TBC1D8: variants seen among roughly 807,000 people sequenced by gnomAD.
TBC1D8 encodes TBC1 domain family member 8.
In TBC1D8, 65 loss-of-function variants were observed where a neutral mutation model predicts 118.8. The observed-to-expected ratio is 0.55, with a 90% CI of 0.45 to 0.67. The LOEUF (loss-of-function observed/expected upper bound fraction) is 0.67, where lower values mean the gene tolerates loss of function less well. TBC1D8 is among the 30% of genes least tolerant of loss of function. The probability of loss-of-function intolerance (pLI) is 0.00; values close to 1 mark genes in which losing one functional copy is unlikely to be tolerated. For missense variants in TBC1D8, 1,376 were observed against 1,471.2 expected, an observed-to-expected ratio of 0.94 and a Z score of 1.06; for synonymous variants, 566 against 595.8, an observed-to-expected ratio of 0.95 and a Z score of 0.73.
intron 1 of TBC1D8, among the ~76,000 whole-genome samples, chr2:101,126,276 A>G (rs575472732): frequency 4.6e-5 from 7 of 152,170 alleles, no homozygotes; most frequent in Non-Finnish European, 8.8e-5. Flanking sequence ...ATCCACTCCC[A>G]CAACCCAAAC....
chr2:101,052,586 C>A (rs182293487), intron 4 of TBC1D8, among the ~76,000 whole-genome samples: 1 of 151,402 alleles, frequency 6.6e-6, no homozygotes, highest in Non-Finnish European at 1.5e-5. Flanking sequence ...AAGCGATTCT[C>A]GTGCTTCAGC....
intron 2 of TBC1D8, among the ~76,000 whole-genome samples, chr2:101,072,357 CAGGAGAGAGAGAGA>C (rs920844741): frequency 1.3e-4 from 20 of 151,526 alleles, no homozygotes; most frequent in Admixed American, 2.0e-4. Flanking sequence ...AGGAGAGGGG[CAGGAGAGAGAGAGA>C]AGGAGAGAGA....
At chr2:101,011,095 G>A in intron 18 of TBC1D8, 69 bp from the exon 19 acceptor site, 1 of 1,464,682 alleles carries the variant, frequency 6.8e-7, no homozygotes, top group East Asian at 2.3e-5. Context: ...AGGAAACTAT[G>A]TAGGAGAGAG....
Position 101,032,269 on chromosome 2 carries a change from G to A in TBC1D8, c.1935C>T (p.Ile645=), listed in dbSNP as rs774906135. 31 of 1,613,398 alleles carry A rather than the reference G, an allele frequency of 1.9e-5. No homozygotes were observed. Among genetic ancestry groups the A allele is most frequent in the East Asian group, 4.5e-5 (2 of 44,878 alleles). Residue 645 remains isoleucine (I), a splice_region_variant and synonymous_variant, in exon 11 of 20, where the codon ATC becomes ATT. Coordinates refer to ENST00000409318, the MANE Select transcript of TBC1D8 (RefSeq NM_001330348.2). ...GGAGGAGGAAGGGGGTCTGTTTACC[G>A]ATCACTCGGTGGTTGAAGTAATCGG... ...MLPDYFNHRV[I]GAQVDQSVFE...
chr2:101,033,983 G>C (rs778620162), intron 9 of TBC1D8, among the ~76,000 whole-genome samples: 36 of 152,140 alleles, frequency 2.4e-4, no homozygotes, highest in Non-Finnish European at 4.4e-4. Context: ...GGCCAAAATG[G>C]TGAAACCCTG....
At chr2:101,020,810 A>T (rs1301177654) in intron 17 of TBC1D8, among the ~76,000 whole-genome samples, 1 of 152,152 alleles carries the variant, frequency 6.6e-6, no homozygotes, top group South Asian at 2.1e-4. Context: ...CCCAGGCCAG[A>T]CGTGAATCCT....
intron 12 of TBC1D8, 28 bp downstream of exon 12, chr2:101,029,463 T>G (rs775422545): frequency 6.3e-7 from 1 of 1,597,662 alleles, no homozygotes; most frequent in Non-Finnish European, 8.6e-7. Context: ...CCATCTCTGG[T>G]TGGCCACAGA....
intron 1 of TBC1D8, among the ~76,000 whole-genome samples, chr2:101,125,251 A>G (rs1678301928): frequency 6.6e-6 from 1 of 152,158 alleles, no homozygotes; most frequent in Admixed American, 6.5e-5. Flanking sequence ...ACATTCCTGA[A>G]CCTGCTATTC....
At chr2:101,098,769 G>C (rs1676637963) in intron 1 of TBC1D8, among the ~76,000 whole-genome samples, 1 of 151,970 alleles carries the variant, frequency 6.6e-6, no homozygotes, top group Non-Finnish European at 1.5e-5. Flanking sequence ...AAGACTCCTG[G>C]GTAAATTATG....
intron 1 of TBC1D8, among the ~76,000 whole-genome samples, chr2:101,111,660 G>A (rs1480570592): frequency 1.3e-5 from 2 of 152,210 alleles, no homozygotes; most frequent in African/African-American, 2.4e-5. Flanking sequence ...AGCCTCAGGT[G>A]TCTGGAGCGA....
chr2:101,025,308 C>T (rs1452439126), intron 15 of TBC1D8, among the ~76,000 whole-genome samples: 1 of 152,056 alleles, frequency 6.6e-6, no homozygotes, highest in Non-Finnish European at 1.5e-5. Context: ...CTCATTGCAA[C>T]CTCCATCTCC....
At chr2:101,100,860 C>T (rs1435618589) in intron 1 of TBC1D8, among the ~76,000 whole-genome samples, 1 of 152,190 alleles carries the variant, frequency 6.6e-6, no homozygotes, top group African/African-American at 2.4e-5. Flanking sequence ...AACTGGACCC[C>T]TTCCTTACAC....
At chr2:101,081,282 C>A (rs188574022) in intron 2 of TBC1D8, among the ~76,000 whole-genome samples, 37 of 152,296 alleles carry the variant, frequency 2.4e-4, no homozygotes, top group Admixed American at 7.8e-4. Flanking sequence ...TGCTGGCACC[C>A]CTGCACCCCA....
chr2:101,029,409 AC>A, intron 12 of TBC1D8, 81 bp downstream of exon 12: 2 of 1,452,688 alleles, frequency 1.4e-6, no homozygotes, highest in Non-Finnish European at 1.8e-6. Context: ...AAAAAAAAAA[AC>A]TTCCCCACCG....
At position 101,022,150 on chromosome 2, in the gene TBC1D8, A is replaced by G. The variant is rs370196399; in HGVS notation, c.2761+131T>C. On this transcript the variant is annotated intron_variant, in intron 16 of 19. Transcript: ENST00000409318. Reference sequence around the variant, plus strand: ...GCCTGCAGAGTGATATTTCAAAATCATAAGTTCATGTCAGGCCAGTCACAA... The same window carrying G: ...GCCTGCAGAGTGATATTTCAAAATCGTAAGTTCATGTCAGGCCAGTCACAA... 20 of 1,449,126 alleles carry G rather than the reference A, an allele frequency of 1.4e-5. No homozygotes were observed. The East Asian group carries it at 1.5e-4, about 11-fold the overall frequency. 89.8% of individuals were successfully genotyped at this position (1,449,126 alleles called of 1,614,324 possible). A position where few individuals can be genotyped will look rare whatever the true frequency, so the allele number is the denominator to read the frequency against.
At chr2:101,095,270 CT>C (rs1676325147) in intron 1 of TBC1D8, among the ~76,000 whole-genome samples, 1 of 74,310 alleles carries the variant, frequency 1.3e-5, no homozygotes, top group African/African-American at 4.9e-5. Context: ...TATTATTATA[CT>C]TTAAGTTTTA....
At chr2:101,068,860 G>A (rs1018264401) in intron 2 of TBC1D8, among the ~76,000 whole-genome samples, 3 of 152,054 alleles carry the variant, frequency 2.0e-5, no homozygotes, top group African/African-American at 7.2e-5. Flanking sequence ...TTAGCTGAGC[G>A]TGGTGGTGGG....
chr2:101,057,652 C>T (rs1032081093), intron 3 of TBC1D8, among the ~76,000 whole-genome samples: 4 of 152,144 alleles, frequency 2.6e-5, no homozygotes, highest in Non-Finnish European at 4.4e-5. Flanking sequence ...AATGAGACTT[C>T]GTCTCTACAA....
intron 3 of TBC1D8, among the ~76,000 whole-genome samples, chr2:101,059,071 A>AT (rs1392204791): frequency 9.9e-5 from 15 of 151,514 alleles, no homozygotes; most frequent in Admixed American, 9.9e-4. Flanking sequence ...TGCCCAGCTA[A>AT]TTTTTTTTGT....
Sources: allele counts gnomAD v4.1 joint callset (sites outside exome capture counted in the v4.1 genomes callset), GRCh38; gene constraint gnomAD v4.1.1; transcripts MANE v1.5; gene names NCBI Gene and HGNC (gene_info 2026-07-23, HGNC 2026-07-21).